The following MYSM1 variants were observed in gnomAD, a reference collection of about 807,000 sequenced individuals.
MYSM1 encodes the protein deubiquitinase MYSM1.
Under a neutral mutation model 116.0 loss-of-function variants are expected in MYSM1, and 51 were observed. The ratio of observed to expected loss-of-function variants is 0.44; its 90% CI spans 0.35 to 0.56. The LOEUF (loss-of-function observed/expected upper bound fraction) is 0.56, where lower values mean the gene tolerates loss of function less well. Among genes scored for constraint, MYSM1 ranks in the 20% least tolerant of loss-of-function variants. The probability of loss-of-function intolerance (pLI) is 0.00; values close to 1 mark genes in which losing one functional copy is unlikely to be tolerated. For synonymous variants in MYSM1, 313 were observed against 315.2 expected (o/e 0.99, Z 0.07); for missense variants, 900 against 974.9 (o/e 0.92, Z 1.02).
At chr1:58,682,655 A>C (rs1644764205) in intron 7 of MYSM1, 110 bp from the exon 8 acceptor site, 1 of 1,029,156 alleles carries the variant, frequency 9.7e-7, no homozygotes. Flanking sequence ...AATACATGTA[A>C]ATGGTACATT....
chr1:58,663,131 C>T (rs777836829), intron 17 of MYSM1, among the ~76,000 whole-genome samples: 24 of 152,076 alleles, frequency 1.6e-4, no homozygotes, highest in Non-Finnish European at 3.4e-4. Flanking sequence ...AATGTCAGAG[C>T]TGGGATCTGA....
In MYSM1 at chr1:58,682,558, C is replaced by A. The variant is rs772398284; in HGVS notation, c.499-13G>T. 1.1e-5 allele frequency: 17 copies of A among 1,551,244 alleles called. No homozygotes were observed. The highest frequency in any genetic ancestry group is 1.4e-5 in the Non-Finnish European group (16 of 1,153,068). ...GACCGCATTTGACCTTATTAAAAATCAAAATAAAATCCCCATAATATTAAG... is the reference window on the plus strand; with the variant it reads ...GACCGCATTTGACCTTATTAAAAATAAAAATAAAATCCCCATAATATTAAG... On this transcript the variant is annotated splice_polypyrimidine_tract_variant and intron_variant, in intron 7 of 19. Coordinates refer to ENST00000472487, the MANE Select transcript of MYSM1 (RefSeq NM_001085487.3).
intron 9 of MYSM1, 75 bp downstream of exon 9, chr1:58,676,851 C>T: frequency 6.8e-7 from 1 of 1,478,972 alleles, no homozygotes; most frequent in Admixed American, 2.0e-5. Context: ...TGAATTCTAA[C>T]CATCATAGAA....
At position 58,675,078 on chromosome 1, in the gene MYSM1, T is replaced by TA. The variant is rs558281814; in HGVS notation, c.1494+398dup. Reference sequence around the variant, plus strand: ...AATATTATAAAACTGACTCCAAGAATAAAAAAAAAGTCTAGTTATTCCAAA... The same window carrying TA: ...AATATTATAAAACTGACTCCAAGAATAAAAAAAAAAGTCTAGTTATTCCAAA... On this transcript the variant is annotated intron_variant, in intron 10 of 19. Transcript: ENST00000472487. Among the ~76,000 whole-genome samples the TA allele has an allele frequency of 9.4e-5, 14 of 148,198 alleles. No individual in the cohort carries two copies. The South Asian group carries it at 1.3e-3, about 13-fold the overall frequency.
At chr1:58,686,086 G>A (rs115518527) in intron 6 of MYSM1, among the ~76,000 whole-genome samples, 1,617 of 152,012 alleles carry the variant, frequency 0.011, 19 homozygotes, top group Non-Finnish European at 0.018. Flanking sequence ...CCACTTTGCC[G>A]GGCTAATTTT....
chr1:58,671,731 C>A (rs1001485963), intron 12 of MYSM1, 139 bp downstream of exon 12: 1 of 635,834 alleles, frequency 1.6e-6, no homozygotes, highest in Non-Finnish European at 2.6e-6. Flanking sequence ...ATCAGTGAAA[C>A]AAAAAAAATC....
intron 13 of MYSM1, 101 bp downstream of exon 13, chr1:58,668,883 T>A: frequency 9.7e-7 from 1 of 1,025,662 alleles, no homozygotes; most frequent in Non-Finnish European, 1.5e-6. Context: ...TTTCAGTCTT[T>A]TTATACATAT....
At chr1:58,665,356 G>A in intron 17 of MYSM1, 143 bp downstream of exon 17, 1 of 628,310 alleles carries the variant, frequency 1.6e-6, no homozygotes, top group Non-Finnish European at 2.7e-6. Context: ...GCTGCACTAG[G>A]GTGGCACCCA....
intron 5 of MYSM1, 157 bp from the exon 6 acceptor site, chr1:58,689,273 T>C (rs1180720366): frequency 5.2e-6 from 3 of 576,564 alleles, no homozygotes; most frequent in Non-Finnish European, 8.9e-6. Context: ...CTACAGCCTC[T>C]ACCTGGGGGC....
At chr1:58,694,030 A>G (rs1181869653) in intron 2 of MYSM1, among the ~76,000 whole-genome samples, 1 of 152,150 alleles carries the variant, frequency 6.6e-6, no homozygotes, top group East Asian at 1.9e-4. Flanking sequence ...CCTTCTGCCT[A>G]TAATTTTATT....
rs1283637804 is a variant in MYSM1 at position 58,667,020 on chromosome 1, T to C, written c.2031+18A>G. The stretch of plus-strand genomic sequence containing the variant: ...GGGGTGTGCAACCATTTACAGAATA[T>C]AAATATACATGTAATACCTGGTATT... On this transcript the variant is annotated intron_variant, in intron 16 of 19. Transcript: ENST00000472487. The C allele has an allele frequency of 1.2e-5, 18 of 1,536,776 alleles. No individual in the cohort carries two copies. Among genetic ancestry groups the C allele is most frequent in the Non-Finnish European group, 1.6e-5 (18 of 1,121,606 alleles).
rs1442745652 is a variant in MYSM1, at chr1:58,668,634, A to T, written c.1765T>A (p.Leu589Met). 1 of 1,603,760 alleles carries T rather than the reference A, an allele frequency of 6.2e-7. No homozygotes were observed. The highest frequency in any genetic ancestry group is 1.7e-5 in the Admixed American group (1 of 58,496). The change falls in exon 14 of 20, where the codon TTG becomes ATG. Residue 589 changes from leucine to methionine, a missense_variant and splice_region_variant. Physicochemically the swap from Leu to Met is conservative, Grantham distance 15. This residue lies in a region of MYSM1 where 92 missense variants were observed against 155.0 expected (regional missense o/e 0.59). Coordinates refer to ENST00000472487, the MANE Select transcript of MYSM1 (RefSeq NM_001085487.3). ...TAAACACAATAGATTATCCTTACCA[A>T]ATCCATTATTAAAAGTGCTTCTGAA... The part of the protein sequence containing the change: ...VASEALLIMD[L>M]HAHVSMAEVI...
chr1:58,676,892 C>T lies in MYSM1; in HGVS notation c.1390+34G>A, dbSNP rs41298539. The T allele has an allele frequency of 7.8e-3, 12,514 of 1,599,930 alleles. 67 individuals are homozygous for T. The highest frequency in any genetic ancestry group is 0.025 in the East Asian group (1,090 of 44,104). On this transcript the variant is annotated intron_variant, in intron 9 of 19. Transcript: ENST00000472487. ...TAAGTGCTGTAAGGATAAAAAATGT[C>T]GAGTAAAAGATGTTGTTGGGTTTTT...
chr1:58,686,331 C>T (rs879486813), intron 6 of MYSM1, among the ~76,000 whole-genome samples: 2 of 152,124 alleles, frequency 1.3e-5, no homozygotes, highest in Non-Finnish European at 2.9e-5. Context: ...TAATTTAATA[C>T]GTAAATCCTC....
At chr1:58,684,559 T>C (rs1644797724) in intron 7 of MYSM1, among the ~76,000 whole-genome samples, 1 of 138,742 alleles carries the variant, frequency 7.2e-6, no homozygotes, top group African/African-American at 2.8e-5. Flanking sequence ...AGCAAGACTC[T>C]GTCTCAAAAA....
intron 17 of MYSM1, 67 bp from the exon 18 acceptor site, chr1:58,661,578 T>C (rs1644392710): frequency 3.4e-6 from 3 of 885,046 alleles, no homozygotes; most frequent in Non-Finnish European, 5.3e-6. Context: ...CTTTTAATTA[T>C]ACTTAAAATT....
intron 14 of MYSM1, 143 bp from the exon 15 acceptor site, chr1:58,668,064 T>G (rs1644502508): frequency 4.5e-6 from 3 of 668,572 alleles, no homozygotes; most frequent in Non-Finnish European, 8.1e-6. Flanking sequence ...AGGAACTAGA[T>G]GCTAGGATCA....
intron 12 of MYSM1, 86 bp from the exon 13 acceptor site, chr1:58,669,124 A>G: frequency 1.1e-6 from 1 of 952,324 alleles, no homozygotes; most frequent in Non-Finnish European, 1.5e-6. Context: ...GTATATCAAT[A>G]ATCTAAACCC....
chr1:58,689,202 G>T, intron 5 of MYSM1, 86 bp from the exon 6 acceptor site: 1 of 965,306 alleles, frequency 1.0e-6, no homozygotes, highest in Non-Finnish European at 1.6e-6. Context: ...GATAGCCATG[G>T]GCTAAATTCA....
Sources: allele counts gnomAD v4.1 joint callset (sites outside exome capture counted in the v4.1 genomes callset), GRCh38; gene constraint gnomAD v4.1.1; regional missense constraint gnomAD v4.1.1; transcripts MANE v1.5; gene names NCBI Gene and HGNC (gene_info 2026-07-23, HGNC 2026-07-21).